Variants in TRA2A observed in about 807,000 individuals in gnomAD.
TRA2A encodes transformer-2 protein homolog alpha.
Under a neutral mutation model 45.7 loss-of-function variants are expected in TRA2A, and 31 were observed. The ratio of observed to expected loss-of-function variants is 0.68; its 90% confidence interval spans 0.51 to 0.92. The LOEUF is 0.92. Ranked by LOEUF, TRA2A falls within the 40% of genes least tolerant of loss-of-function variation. The probability of loss-of-function intolerance (pLI) is 0.00; values close to 1 mark genes in which losing one functional copy is unlikely to be tolerated. For synonymous variants in TRA2A, 132 were observed against 126.2 expected (o/e 1.05, Z -0.31); for missense variants, 304 against 367.5 (o/e 0.83, Z 1.41).
At chr7:23,522,329 A>G in intron 1 of TRA2A, 1 of 1,217,730 alleles carries the variant, frequency 8.2e-7, no homozygotes, top group Non-Finnish European at 1.0e-6. Context: ...CCCCCATTCA[A>G]TTTTAATTTT....
intron 6 of TRA2A, 73 bp downstream of exon 6, chr7:23,506,065 T>C (rs897742798): frequency 1.1e-5 from 14 of 1,309,134 alleles, no homozygotes; most frequent in South Asian, 2.8e-5. Context: ...TATTCATATG[T>C]ATCCAACATA....
intron 3 of TRA2A, 38 bp from the exon 4 acceptor site, chr7:23,513,120 A>G (rs1789701308): frequency 6.9e-7 from 1 of 1,442,698 alleles, no homozygotes; most frequent in African/African-American, 1.4e-5. Flanking sequence ...TCCAAATTAA[A>G]ATCAAAATCA....
At chr7:23,511,824 TAAG>T (rs1193285357) in intron 4 of TRA2A, among the ~76,000 whole-genome samples, 1 of 152,242 alleles carries the variant, frequency 6.6e-6, no homozygotes, top group African/African-American at 2.4e-5. Context: ...TTAGGCAAGT[TAAG>T]AATAGCACTA....
chr7:23,516,510 A>G lies in TRA2A; in HGVS notation c.189T>C (p.His63=). 1 of 1,614,114 alleles carries G rather than the reference A, an allele frequency of 6.2e-7. No homozygotes were observed. The highest frequency in any genetic ancestry group is 8.5e-7 in the Non-Finnish European group (1 of 1,180,012). Residue 63 remains histidine (H), a synonymous_variant, in exon 3 of 8, where the codon CAT becomes CAC. Transcript: ENST00000297071. ...TGGATCGAGTGTAACGTCTATGAGA[A>G]TGTCTCCTTGACCTCGACCTTTGAG... ...RSKSRSRSRR[H]SHRRYTRSRS... is the part of the protein sequence containing the mutation.
chr7:23,517,503 A>AAAAAAAAAAAAAAAG lies in TRA2A; in HGVS notation c.171-976_171-975insCTTTTTTTTTTTTTT, dbSNP rs764849438. Among the ~76,000 whole-genome samples, 670 of 116,076 alleles carry AAAAAAAAAAAAAAAG rather than the reference A, an allele frequency of 5.8e-3. 48 individuals are homozygous for AAAAAAAAAAAAAAAG. The highest frequency in any genetic ancestry group is 0.013 in the East Asian group (38 of 2,982). 76.2% of individuals were successfully genotyped at this position (116,076 alleles called of 152,430 possible). On this transcript the variant is annotated intron_variant, in intron 2 of 7. Transcript: ENST00000297071. ...AAAAAAAAAAAAAAAAAAAAAAAAA[A>AAAAAAAAAAAAAAAG]AGAGAGAAAGAAAGAAAAATCACTT...
chr7:23,511,747 C>T (rs906623440), intron 4 of TRA2A, among the ~76,000 whole-genome samples: 60 of 152,060 alleles, frequency 3.9e-4, no homozygotes, highest in African/African-American at 1.4e-3. Flanking sequence ...CCTACCACTT[C>T]CTTTATAATA....
intron 3 of TRA2A, among the ~76,000 whole-genome samples, chr7:23,515,217 A>G (rs953677093): frequency 1.4e-5 from 2 of 147,234 alleles, no homozygotes; most frequent in South Asian, 2.1e-4. Flanking sequence ...TTCGTGGAAC[A>G]TATTTCTTTT....
At chr7:23,506,335 G>A in intron 5 of TRA2A, 69 bp from the exon 6 acceptor site, 2 of 1,399,576 alleles carry the variant, frequency 1.4e-6, no homozygotes, top group Middle Eastern at 1.9e-4. Context: ...AATACAAATT[G>A]AATGGCTTAA....
At position 23,505,319 on chromosome 7, in the gene TRA2A, T is replaced by G. The variant is rs1247643328; in HGVS notation, c.*240A>C. ...AAATTTACAAAGCATAACATAACAT[T>G]GGGGTTCTTTTTATACTCAAGATGT... On this transcript the variant is annotated 3_prime_UTR_variant, in exon 8 of 8. Coordinates refer to ENST00000297071, the MANE Select transcript of TRA2A (RefSeq NM_013293.5). 2.5e-6 allele frequency: 1 copy of G among 398,396 alleles called. No individual in the cohort carries two copies. Among genetic ancestry groups the G allele is most frequent in the Non-Finnish European group, 4.5e-6 (1 of 224,580 alleles). The allele number at this position is 398,396 out of a possible 1,614,324, so 24.7% of individuals were successfully genotyped here.
At chr7:23,509,501 C>G (rs944430740) in intron 4 of TRA2A, among the ~76,000 whole-genome samples, 1 of 152,032 alleles carries the variant, frequency 6.6e-6, no homozygotes, top group African/African-American at 2.4e-5. Flanking sequence ...TTTGGGAGGC[C>G]AAGATGGGGG....
chr7:23,521,744 G>C lies in TRA2A; in HGVS notation c.133C>G (p.His45Asp). 1 of 1,614,130 alleles carries C rather than the reference G, an allele frequency of 6.2e-7. No homozygotes were observed. Among genetic ancestry groups the C allele is most frequent in the Middle Eastern group, 1.6e-4 (1 of 6,062 alleles). Residue 45 changes from histidine (H) to aspartate (D), a missense_variant, in exon 2 of 8, where the codon CAC becomes GAC. Physicochemically the swap from His to Asp is moderately conservative, Grantham distance 81. Around this residue, in one of 3 missense-constraint regions of TRA2A, gnomAD observed 132 missense variants for 113.4 expected, o/e 1.16. Coordinates refer to ENST00000297071, the MANE Select transcript of TRA2A (RefSeq NM_013293.5). The part of the protein sequence containing the change: ...GSRSPSRVSK[H>D]SESHSRSRSK... Reference sequence around the variant, plus strand: ...CTTGATCGAGAATGGGATTCAGAGTGTTTGGAAACCCTTGATGGACTACGA... The same window carrying C: ...CTTGATCGAGAATGGGATTCAGAGTCTTTGGAAACCCTTGATGGACTACGA...
At chr7:23,531,521 G>A (rs1790583184) in intron 1 of TRA2A, 1 of 564,226 alleles carries the variant, frequency 1.8e-6, no homozygotes, top group Non-Finnish European at 3.1e-6. Context: ...GTGGGGAGAA[G>A]GGAGGAAGCA....
At chr7:23,521,657 C>G (rs115523489) in intron 2 of TRA2A, 50 bp downstream of exon 2, 1 of 1,596,448 alleles carries the variant, frequency 6.3e-7, no homozygotes, top group Non-Finnish European at 8.6e-7. Flanking sequence ...ACTGCTTTGT[C>G]CTCAAAAACC....
intron 4 of TRA2A, 141 bp downstream of exon 4, chr7:23,512,753 T>C (rs1789683900): frequency 1.4e-6 from 1 of 705,130 alleles, no homozygotes; most frequent in African/African-American, 1.9e-5. Context: ...CCACCGCGCC[T>C]GGACGCAAGA....
chr7:23,510,403 C>T (rs535544735), intron 4 of TRA2A, among the ~76,000 whole-genome samples: 1 of 152,240 alleles, frequency 6.6e-6, no homozygotes, highest in South Asian at 2.1e-4. Flanking sequence ...AAACTTAGCT[C>T]ACTGCAACCT....
In TRA2A at chr7:23,506,239, G is replaced by A. The variant is rs202001028; in HGVS notation, c.669C>T (p.Gly223=). The A allele has an allele frequency of 5.1e-5, 74 of 1,444,652 alleles. No individual in the cohort carries two copies. Among genetic ancestry groups the A allele is most frequent in the Middle Eastern group, 1.8e-4 (1 of 5,540 alleles). 89.5% of individuals were successfully genotyped at this position (1,444,652 alleles called of 1,614,324 possible). ...TGCCACCACCTCCACCTCCACCGCC[G>A]CCGCCTCCTCCACCACCCCCACCAC... ...THSGGGGGGG[G]GGGGGGGGRR... The change falls in exon 6 of 8, where the codon GGC becomes GGT. Residue 223 remains glycine, a synonymous_variant. Transcript: ENST00000297071.
intron 1 of TRA2A, among the ~76,000 whole-genome samples, chr7:23,522,637 T>A (rs1790182303): frequency 6.6e-6 from 1 of 151,982 alleles, no homozygotes; most frequent in Admixed American, 6.6e-5. Context: ...TTTACTAAAT[T>A]TCTCTAAATG....
intron 2 of TRA2A, among the ~76,000 whole-genome samples, chr7:23,521,116 C>T (rs1790117222): frequency 6.6e-6 from 1 of 152,146 alleles, no homozygotes; most frequent in Non-Finnish European, 1.5e-5. Flanking sequence ...AAGGACTTTT[C>T]CGCCCAATTA....
At chr7:23,529,261 T>C (rs979670687) in intron 1 of TRA2A, among the ~76,000 whole-genome samples, 5 of 152,212 alleles carry the variant, frequency 3.3e-5, no homozygotes, top group African/African-American at 9.7e-5. Context: ...CCACTTAAAA[T>C]TGCTTTTATG....
Sources: gnomAD v4.1 joint callset for allele counts (sites outside exome capture counted in the v4.1 genomes callset) on GRCh38, gnomAD v4.1.1 for gene constraint, gnomAD v4.1.1 regional missense constraint, MANE v1.5 for transcripts, NCBI Gene and HGNC (gene_info 2026-07-23, HGNC 2026-07-21) for gene names.